The following APH1B variants were observed in gnomAD, a reference collection of about 807,000 sequenced individuals.
APH1B encodes the protein aph-1B gamma-secretase subunit.
In APH1B, 27 loss-of-function variants were observed where a neutral mutation model predicts 28.2. That is an observed-to-expected ratio of 0.96 (90% confidence interval 0.70 to 1.32). APH1B has a LOEUF of 1.32. Ranked by LOEUF, APH1B falls within the 40% of genes most tolerant of loss-of-function variation. APH1B has a pLI of 0.00. For synonymous variants in APH1B, 141 were observed against 124.6 expected (o/e 1.13, Z -0.88); for missense variants, 305 against 313.6 (o/e 0.97, Z 0.21).
intron 4 of APH1B, among the ~76,000 whole-genome samples, chr15:63,298,074 G>A (rs539938206): frequency 6.6e-6 from 1 of 152,296 alleles, no homozygotes; most frequent in East Asian, 1.9e-4. Flanking sequence ...AAAGTGCCTG[G>A]CCCATGCTGG....
chr15:63,281,541 AAAAAAAAAAAC>A (rs1479314773), intron 2 of APH1B, among the ~76,000 whole-genome samples: 1 of 151,662 alleles, frequency 6.6e-6, no homozygotes, highest in African/African-American at 2.4e-5. Flanking sequence ...TTTGAAAAAA[AAAAAAAAAAAC>A]AAAAAAAAAC....
At chr15:63,298,430 C>A (rs893774914) in intron 4 of APH1B, among the ~76,000 whole-genome samples, 1 of 152,116 alleles carries the variant, frequency 6.6e-6, no homozygotes. Context: ...AAGCTGGTTT[C>A]GAACTCCTGG....
intron 4 of APH1B, among the ~76,000 whole-genome samples, chr15:63,291,387 A>G (rs2038505484): frequency 2.0e-5 from 3 of 152,356 alleles, no homozygotes; most frequent in South Asian, 2.1e-4. Context: ...CACTTCTATT[A>G]TATTTTCTAG....
chr15:63,308,327 T>C lies in APH1B; in HGVS notation c.*2546T>C, dbSNP rs373974286. On this transcript the variant is annotated 3_prime_UTR_variant, in exon 6 of 6. Coordinates refer to ENST00000261879, the MANE Select transcript of APH1B (RefSeq NM_031301.4). Reference sequence around the variant, plus strand: ...ATAAGCTATATTTATTTTTGATTCATTTGAATTACTAGTTATAACTGGAGA... The same window carrying C: ...ATAAGCTATATTTATTTTTGATTCACTTGAATTACTAGTTATAACTGGAGA... 4 of 152,324 alleles carry C rather than the reference T, an allele frequency of 2.6e-5. No homozygotes were observed. The highest frequency in any genetic ancestry group is 1.9e-4 in the East Asian group (1 of 5,192). 9.4% of individuals were successfully genotyped at this position (152,324 alleles called of 1,614,324 possible).
intron 4 of APH1B, among the ~76,000 whole-genome samples, chr15:63,297,845 C>T (rs1383292283): frequency 6.6e-6 from 1 of 152,174 alleles, no homozygotes; most frequent in Non-Finnish European, 1.5e-5. Context: ...GGCATTCTAA[C>T]ATAGCACGTC....
chr15:63,277,614 C>T lies in APH1B; in HGVS notation c.-10C>T, dbSNP rs189409411. On this transcript the variant is annotated 5_prime_UTR_variant, in exon 1 of 6. Coordinates refer to ENST00000261879, the MANE Select transcript of APH1B (RefSeq NM_031301.4). ...CCCAACGGGCCCCCGGGTCGGTTTC[C>T]GCGGTGGCCATGACTGCGGCCGTGT... 2.7e-3 allele frequency: 4,162 copies of T among 1,523,990 alleles called. 106 individuals are homozygous for T. The African/African-American group carries it at 0.052, about 19-fold the overall frequency. The allele number at this position is 1,523,990 out of a possible 1,614,324, so 94.4% of individuals were successfully genotyped here.
At chr15:63,285,558 C>A (rs558647943) in intron 2 of APH1B, among the ~76,000 whole-genome samples, 1 of 152,330 alleles carries the variant, frequency 6.6e-6, no homozygotes, top group African/African-American at 2.4e-5. Context: ...CCTAACAAAT[C>A]TGCATGGCAC....
intron 5 of APH1B, among the ~76,000 whole-genome samples, chr15:63,303,559 G>A (rs778421719): frequency 1.2e-4 from 18 of 152,300 alleles, no homozygotes; most frequent in Admixed American, 2.0e-4. Context: ...GCGGTGGCAC[G>A]ATCACGGCTC....
chr15:63,284,870 C>G (rs561560164), intron 2 of APH1B, among the ~76,000 whole-genome samples: 2 of 152,084 alleles, frequency 1.3e-5, no homozygotes, highest in East Asian at 1.9e-4. Flanking sequence ...TATTTATTAT[C>G]GAGGAATTTA....
chr15:63,305,805 A>G lies in APH1B; in HGVS notation c.*24A>G. ...AACCTCAGGGAACCAGCACTTCCCA[A>G]ACCGCAGACTACATCTTTAGAGGAA... On this transcript the variant is annotated 3_prime_UTR_variant, in exon 6 of 6. Coordinates refer to ENST00000261879, the MANE Select transcript of APH1B (RefSeq NM_031301.4). The G allele has an allele frequency of 1.2e-6, 2 of 1,605,320 alleles. No individual in the cohort carries two copies. The highest frequency in any genetic ancestry group is 1.7e-6 in the Non-Finnish European group (2 of 1,177,258).
chr15:63,290,505 T>C (rs1417283000), intron 4 of APH1B, among the ~76,000 whole-genome samples: 2 of 152,168 alleles, frequency 1.3e-5, no homozygotes, highest in African/African-American at 4.8e-5. Flanking sequence ...GCTATGAAAA[T>C]AGAGCCCAGT....
chr15:63,278,071 CA>C, intron 1 of APH1B: 2 of 388,424 alleles, frequency 5.1e-6, no homozygotes, highest in Non-Finnish European at 9.8e-6. Flanking sequence ...CTCAGATTCT[CA>C]AAGGCATGTG....
intron 4 of APH1B, among the ~76,000 whole-genome samples, chr15:63,299,059 A>G (rs2038597144): frequency 6.6e-6 from 1 of 152,168 alleles, no homozygotes; most frequent in African/African-American, 2.4e-5. Context: ...TAATCTATTT[A>G]AAAAGAAAAA....
At position 63,304,077 on chromosome 15, in the gene APH1B, G is replaced by A. The variant is rs74022910; in HGVS notation, c.607-1537G>A. The stretch of plus-strand genomic sequence containing the variant: ...CACTGCATTCTCTTTATTGTTAGTC[G>A]TCCTGCTGGCTATGTCATGGTATCA... On this transcript the variant is annotated intron_variant, in intron 5 of 5. Coordinates refer to ENST00000261879, the MANE Select transcript of APH1B (RefSeq NM_031301.4). The surrounding 1 kb of genome is among the most constrained non-coding windows in gnomAD (Gnocchi z 5.1). 8.4e-4 allele frequency among the ~76,000 whole-genome samples: 128 copies of A among 152,140 alleles called. No individual in the cohort carries two copies. The highest frequency in any genetic ancestry group is 2.6e-3 in the African/African-American group (109 of 41,512).
intron 5 of APH1B, among the ~76,000 whole-genome samples, chr15:63,305,115 A>C (rs1045213240): frequency 1.1e-4 from 17 of 152,200 alleles, no homozygotes; most frequent in African/African-American, 4.1e-4. Context: ...TTAGGATAGA[A>C]ACTTTGGTCT....
At chr15:63,279,949 C>CTAATTTTTGT (rs1196543512) in intron 2 of APH1B, among the ~76,000 whole-genome samples, 1 of 152,094 alleles carries the variant, frequency 6.6e-6, no homozygotes, top group African/African-American at 2.4e-5. Flanking sequence ...AGGTGTGCAC[C>CTAATTTTTGT]ACCATGCCCG....
intron 4 of APH1B, among the ~76,000 whole-genome samples, chr15:63,288,405 A>G (rs533651331): frequency 1.3e-5 from 2 of 152,372 alleles, no homozygotes; most frequent in African/African-American, 4.8e-5. Context: ...GTTGAATGTC[A>G]TAGTGATCCC....
rs2038666523 is a variant in APH1B, at chr15:63,304,550, A to C, written c.607-1064A>C. On this transcript the variant is annotated intron_variant, in intron 5 of 5. Coordinates refer to ENST00000261879, the MANE Select transcript of APH1B (RefSeq NM_031301.4). This position sits in a 1 kb window ranked among gnomAD's most constrained non-coding sequence, Gnocchi z 5.1. ...GCATGGTTTGTCTTTACATTCTCTT[A>C]ATGTCTTTCGGTGAACAAAAGTTCT... 6.6e-6 allele frequency among the ~76,000 whole-genome samples: 1 copy of C among 152,106 alleles called. No individual in the cohort carries two copies. Among genetic ancestry groups the C allele is most frequent in the African/African-American group, 2.4e-5 (1 of 41,422 alleles).
intron 4 of APH1B, among the ~76,000 whole-genome samples, chr15:63,297,401 C>T (rs550465237): frequency 6.6e-6 from 1 of 152,172 alleles, no homozygotes; most frequent in South Asian, 2.1e-4. Context: ...TGGTGGTGCA[C>T]ACCTGTAGTC....
Sources: gnomAD v4.1 joint callset for allele counts (sites outside exome capture counted in the v4.1 genomes callset) on GRCh38, gnomAD v4.1.1 for gene constraint, Gnocchi (gnomAD v3.1) non-coding constraint, MANE v1.5 for transcripts, NCBI Gene and HGNC (gene_info 2026-07-23, HGNC 2026-07-21) for gene names.